NUP58: variants seen among roughly 807,000 people sequenced by gnomAD.
The protein encoded by NUP58 is nucleoporin 58, also known as nucleoporin p58/p45.
Under a neutral mutation model 70.1 loss-of-function variants are expected in NUP58, and 17 were observed. That is an observed-to-expected ratio of 0.24 (90% confidence interval 0.17 to 0.36). NUP58 has a LOEUF of 0.36. Among genes scored for constraint, NUP58 ranks in the 10% least tolerant of loss-of-function variants. The probability of loss-of-function intolerance (pLI) is 1.00; values close to 1 mark genes in which losing one functional copy is unlikely to be tolerated. For missense variants in NUP58, 644 were observed against 701.5 expected (o/e 0.92, Z 0.93); for synonymous variants, 275 against 257.6 (o/e 1.07, Z -0.65).
intron 14 of NUP58, 147 bp downstream of exon 14, chr13:25,337,181 GCTTT>G (rs2031816998): frequency 6.4e-6 from 3 of 469,886 alleles, no homozygotes; most frequent in South Asian, 8.8e-5. Flanking sequence ...CATAATTATT[GCTTT>G]CTAATATTAG....
chr13:25,335,774 T>C, intron 13 of NUP58: 3 of 983,808 alleles, frequency 3.0e-6, no homozygotes, highest in Non-Finnish European at 2.4e-6. Context: ...CTTCATTGGA[T>C]AACTTGAAGG....
chr13:25,320,456 A>AT (rs1388071938), intron 7 of NUP58, 74 bp from the exon 8 acceptor site: 1 of 993,432 alleles, frequency 1.0e-6, no homozygotes, highest in Non-Finnish European at 1.6e-6. Context: ...TAATACTCTA[A>AT]TACTCTATTA....
chr13:25,315,598 A>G, intron 6 of NUP58, 131 bp downstream of exon 6: 1 of 627,732 alleles, frequency 1.6e-6, no homozygotes, highest in Non-Finnish European at 2.9e-6. Context: ...CTTAATGTGT[A>G]TACGAATATG....
intron 13 of NUP58, chr13:25,331,939 A>G: frequency 1.9e-6 from 2 of 1,069,570 alleles, no homozygotes; most frequent in South Asian, 6.0e-5. Flanking sequence ...TGAATTTTTC[A>G]TATATGATAC....
downstream of NUP58, among the ~76,000 whole-genome samples, chr13:25,344,695 T>A (rs2032028483): frequency 6.6e-6 from 1 of 152,204 alleles, no homozygotes; most frequent in South Asian, 2.1e-4. Context: ...GATACATGCA[T>A]CTGTTGGGTC....
chr13:25,311,348 G>C (rs982727520), intron 3 of NUP58, among the ~76,000 whole-genome samples: 1 of 152,024 alleles, frequency 6.6e-6, no homozygotes, highest in East Asian at 1.9e-4. Flanking sequence ...CAGGATATTT[G>C]TGGGGGTTTT....
chr13:25,309,909 T>G (rs1420196027), intron 3 of NUP58: 3 of 219,936 alleles, frequency 1.4e-5, no homozygotes, highest in Non-Finnish European at 2.9e-5. Flanking sequence ...GAGTTTTAAG[T>G]TAAGGATTGG....
chr13:25,342,604 G>C (rs1351493735), downstream of NUP58, among the ~76,000 whole-genome samples: 1 of 151,978 alleles, frequency 6.6e-6, no homozygotes, highest in Non-Finnish European at 1.5e-5. Context: ...CAAAAACAGT[G>C]AACATTTTTA....
chr13:25,333,890 G>C (rs748411905), intron 13 of NUP58: 38 of 985,148 alleles, frequency 3.9e-5, no homozygotes, highest in Non-Finnish European at 4.5e-5. Context: ...TTATCAGAAG[G>C]GTTTTGCTTT....
At chr13:25,335,568 G>T in intron 13 of NUP58, 2 of 982,700 alleles carry the variant, frequency 2.0e-6, no homozygotes, top group Non-Finnish European at 2.4e-6. Context: ...ATCTCAAACT[G>T]GATGTAAAAT....
rs138429797 is a variant in NUP58, at chr13:25,308,355, C to T, written c.250+407C>T. ...TTGCTCTGTTGTCTAGGCTGGAGTG[C>T]AGTGGCATGATCATGGCTCACTGTA... On this transcript the variant is annotated intron_variant, in intron 2 of 15. Transcript: ENST00000381736. Among the ~76,000 whole-genome samples, 943 of 152,122 alleles carry T rather than the reference C, an allele frequency of 6.2e-3. 16 individuals are homozygous for T. Among genetic ancestry groups the T allele is most frequent in the African/African-American group, 0.022 (896 of 41,492 alleles).
At chr13:25,346,208 C>CT (rs534578643), downstream of NUP58, among the ~76,000 whole-genome samples, 22 of 152,286 alleles carry the variant, frequency 1.4e-4, no homozygotes, top group East Asian at 4.0e-3. Flanking sequence ...CTCTTATGAG[C>CT]TGCCATACGT....
intron 4 of NUP58, 75 bp from the exon 5 acceptor site, chr13:25,313,539 A>C: frequency 2.3e-6 from 3 of 1,304,466 alleles, no homozygotes; most frequent in Non-Finnish European, 3.0e-6. Context: ...GTTTTTAAAA[A>C]CATCGTATTT....
chr13:25,307,839 T>G lies in NUP58; in HGVS notation c.141T>G (p.Leu47=). 6.2e-7 allele frequency: 1 copy of G among 1,614,194 alleles called. No individual in the cohort carries two copies. Among genetic ancestry groups the G allele is most frequent in the Non-Finnish European group, 8.5e-7 (1 of 1,180,024 alleles). Reference sequence around the variant, plus strand: ...CTGTGGGGCTCAATTTTGGAAATCTTGGAAGTACTTCAACTCCAGCAACTA... The same window carrying G: ...CTGTGGGGCTCAATTTTGGAAATCTGGGAAGTACTTCAACTCCAGCAACTA... ...NPSVGLNFGN[L]GSTSTPATTS... is the part of the protein sequence containing the mutation. The change falls in exon 2 of 16, where the codon CTT becomes CTG. Residue 47 remains leucine (L), a synonymous_variant. Transcript: ENST00000381736.
chr13:25,339,414 A>G (rs1237025040), intron 15 of NUP58, among the ~76,000 whole-genome samples: 1 of 152,236 alleles, frequency 6.6e-6, no homozygotes, highest in Admixed American at 6.5e-5. Flanking sequence ...ATAGGATTCC[A>G]TGTTATCAGG....
At chr13:25,307,369 C>T (rs1275012968) in intron 1 of NUP58, among the ~76,000 whole-genome samples, 1 of 151,984 alleles carries the variant, frequency 6.6e-6, no homozygotes, top group East Asian at 1.9e-4. Flanking sequence ...TGTGCCACCA[C>T]CACACCTGGC....
At chr13:25,305,295 G>C (rs2030291388) in intron 1 of NUP58, among the ~76,000 whole-genome samples, 1 of 151,746 alleles carries the variant, frequency 6.6e-6, no homozygotes, top group South Asian at 2.1e-4. Context: ...ATTCAGGTGT[G>C]CATTGGCACG....
Position 25,327,511 on chromosome 13 carries a change from A to T in NUP58, c.1232A>T (p.Lys411Met), listed in dbSNP as rs1469153828. 1 of 1,605,154 alleles carries T rather than the reference A, an allele frequency of 6.2e-7. No individual in the cohort carries two copies. Among genetic ancestry groups the T allele is most frequent in the East Asian group, 2.2e-5 (1 of 44,694 alleles). Residue 411 changes from lysine (K) to methionine (M), a missense_variant and splice_region_variant, in exon 12 of 16, where the codon AAG becomes ATG. By Grantham distance (95) the Lys-to-Met change is moderately conservative. This residue lies in a region of NUP58 where 78 missense variants were observed against 71.3 expected (regional missense o/e 1.09). Transcript: ENST00000381736. ...CTTCAGTCTATTCATGAAAATGTAA[A>T]GGTAAGTTTTCATTACCCATTTATC... is the stretch of plus-strand genomic sequence containing the variant. ...AQLQSIHENV[K>M]VLKEQYLGYR...
chr13:25,308,198 G>A (rs1372482812), intron 2 of NUP58: 2 of 326,206 alleles, frequency 6.1e-6, no homozygotes, highest in Admixed American at 4.5e-5. Context: ...ATTATATAAT[G>A]TAGTGTTTTT....
Sources: allele counts gnomAD v4.1 joint callset (sites outside exome capture counted in the v4.1 genomes callset), GRCh38; gene constraint gnomAD v4.1.1; regional missense constraint gnomAD v4.1.1; transcripts MANE v1.5; gene names NCBI Gene and HGNC (gene_info 2026-07-23, HGNC 2026-07-21).